The following EVC2 variants were observed in gnomAD, a reference collection of about 807,000 sequenced individuals.
EVC2 encodes the protein EvC ciliary complex subunit 2.
In EVC2, 148 loss-of-function variants were observed where a neutral mutation model predicts 149.3. That is an observed-to-expected ratio of 0.99 (90% CI 0.87 to 1.14). The LOEUF is 1.14. Ranked by LOEUF, EVC2 falls within the 50% of genes most tolerant of loss-of-function variation. The pLI, the probability that EVC2 is intolerant of heterozygous loss-of-function variation, is 0.00. For synonymous variants in EVC2, 776 were observed against 649.9 expected, an observed-to-expected ratio of 1.19 and a Z score of -2.95; for missense variants, 1,854 against 1,627.3, an observed-to-expected ratio of 1.14 and a Z score of -2.40.
the EVC2 span, among the ~76,000 whole-genome samples, chr4:5,532,270 T>G: frequency 6.6e-6 from 1 of 151,962 alleles, no homozygotes; most frequent in Admixed American, 6.6e-5. Context: ...GGGAGGTCAG[T>G]TTTTTCTGCT....
In EVC2 at chr4:5,614,962, G is replaced by C. The variant is rs927257287; in HGVS notation, c.2829+460C>G. On this transcript the variant is annotated intron_variant, in intron 16 of 21. Coordinates refer to ENST00000344408, the MANE Select transcript of EVC2 (RefSeq NM_147127.5). This position sits in a 1 kb window ranked among gnomAD's most constrained non-coding sequence, Gnocchi z 4.7. ...ACTGCACTCCAGCCTGGGTGACAGA[G>C]TAAGACTCCATTTCAAAAAAACCAA... Among the ~76,000 whole-genome samples the C allele has an allele frequency of 6.6e-6, 1 of 152,138 alleles. No individual in the cohort carries two copies. The highest frequency in any genetic ancestry group is 2.4e-5 in the African/African-American group (1 of 41,408).
the EVC2 span, among the ~76,000 whole-genome samples, chr4:5,531,425 C>G: frequency 6.6e-6 from 1 of 152,190 alleles, no homozygotes; most frequent in African/African-American, 2.4e-5. Context: ...ACAAACCCAT[C>G]CGGCCTATGG....
At chr4:5,590,453 C>T (rs770544148) in intron 16 of EVC2, among the ~76,000 whole-genome samples, 5 of 151,650 alleles carry the variant, frequency 3.3e-5, no homozygotes, top group Admixed American at 6.6e-5. Context: ...CACCTTGCTA[C>T]ACTCCCTCCC....
intron 7 of EVC2, among the ~76,000 whole-genome samples, chr4:5,672,293 G>GC (rs1299838243): frequency 1.3e-5 from 2 of 152,246 alleles, no homozygotes; most frequent in African/African-American, 2.4e-5. Context: ...AAGAGAAGCA[G>GC]CCCCAGCCTG....
chr4:5,628,437 T>C, intron 12 of EVC2, 122 bp downstream of exon 12: 1 of 1,304,466 alleles, frequency 7.7e-7, no homozygotes, highest in Non-Finnish European at 1.1e-6. Context: ...CTTCCCAGCC[T>C]CTAGAACTAT....
rs1324438472 is a variant in EVC2, at chr4:5,670,896, C to A, written c.871-5247G>T. ...ACATCATCAATATCCCCATCACCAT[C>A]ATCTTCACCATGACCATCACAATCA... On this transcript the variant is annotated intron_variant, in intron 7 of 21. Transcript: ENST00000344408. This position sits in a 1 kb window ranked among gnomAD's most constrained non-coding sequence, Gnocchi z 5.2. Among the ~76,000 whole-genome samples, 2 of 152,100 alleles carry A rather than the reference C, an allele frequency of 1.3e-5. No individual in the cohort carries two copies. The highest frequency in any genetic ancestry group is 4.8e-5 in the African/African-American group (2 of 41,416).
chr4:5,584,416 G>C (rs186768596), intron 17 of EVC2, among the ~76,000 whole-genome samples: 1 of 152,252 alleles, frequency 6.6e-6, no homozygotes, highest in East Asian at 1.9e-4. Context: ...AATCCAAAAG[G>C]GTTGCTTCTC....
At chr4:5,671,410 A>T (rs1719641137) in intron 7 of EVC2, among the ~76,000 whole-genome samples, 1 of 152,032 alleles carries the variant, frequency 6.6e-6, no homozygotes, top group South Asian at 2.1e-4. Context: ...GGATTTTGGA[A>T]CTCCTGAGTC....
In EVC2 at chr4:5,657,135, G is replaced by GC. The variant is rs1476288163; in HGVS notation, c.1145+5971dup. Among the ~76,000 whole-genome samples the GC allele has an allele frequency of 6.6e-6, 1 of 152,062 alleles. No homozygotes were observed. The highest frequency in any genetic ancestry group is 1.5e-5 in the Non-Finnish European group (1 of 68,018). ...GAAGGCACCTCGTCCAGGCAGGGAG[G>GC]CCCACCAGCCTCACACGGGCACTCC... On this transcript the variant is annotated intron_variant, in intron 9 of 21. Transcript: ENST00000344408. The surrounding 1 kb of genome is among the most constrained non-coding windows in gnomAD (Gnocchi z 4.7).
chr4:5,566,652 C>T (rs1341553965), intron 20 of EVC2, among the ~76,000 whole-genome samples: 1 of 152,306 alleles, frequency 6.6e-6, no homozygotes, highest in Non-Finnish European at 1.5e-5. Context: ...CCAGAGTCAT[C>T]CAGGCTGCCT....
At chr4:5,667,451 C>A (rs1218706211) in intron 7 of EVC2, among the ~76,000 whole-genome samples, 2 of 152,074 alleles carry the variant, frequency 1.3e-5, no homozygotes, top group Admixed American at 6.6e-5. Flanking sequence ...GGTTTGTCAA[C>A]CCAAATCACA....
At chr4:5,554,906 T>A (rs1721806180) in intron 21 of EVC2, among the ~76,000 whole-genome samples, 1 of 152,222 alleles carries the variant, frequency 6.6e-6, no homozygotes, top group Non-Finnish European at 1.5e-5. Flanking sequence ...TTAATTCAAA[T>A]GCACTATATG....
the EVC2 span, among the ~76,000 whole-genome samples, chr4:5,534,416 A>T: frequency 6.6e-6 from 1 of 152,196 alleles, no homozygotes; most frequent in Non-Finnish European, 1.5e-5. Flanking sequence ...CAGAGGCATC[A>T]TATAAAGGTG....
At chr4:5,688,306 C>T (rs945633151) in intron 5 of EVC2, among the ~76,000 whole-genome samples, 4 of 152,170 alleles carry the variant, frequency 2.6e-5, no homozygotes, top group East Asian at 1.9e-4. Flanking sequence ...GGCATGGAGT[C>T]GGTAAGAGTT....
intron 9 of EVC2, among the ~76,000 whole-genome samples, chr4:5,649,753 T>A (rs6845850): frequency 0.69 from 104,280 of 152,060 alleles, 36,352 homozygotes; most frequent in African/African-American, 0.82. Context: ...CCCCAAAACC[T>A]ATTCAATACG....
rs1031229340 is a variant in EVC2, at chr4:5,686,307, C to T, written c.707-828G>A. ...TCCCAGGCTCCAGTGATCCTCCTGC[C>T]TCAGCCTCCTGAGTAGCTGGGACTT... On this transcript the variant is annotated intron_variant, in intron 5 of 21. Transcript: ENST00000344408. This position sits in a 1 kb window ranked among gnomAD's most constrained non-coding sequence, Gnocchi z 5.4. 8.5e-5 allele frequency among the ~76,000 whole-genome samples: 13 copies of T among 152,180 alleles called. No individual in the cohort carries two copies. Among genetic ancestry groups the T allele is most frequent in the African/African-American group, 3.1e-4 (13 of 41,436 alleles).
intron 3 of EVC2, among the ~76,000 whole-genome samples, chr4:5,692,735 C>T (rs1033583668): frequency 6.0e-5 from 9 of 150,932 alleles, no homozygotes; most frequent in East Asian, 1.9e-4. Context: ...GGCGCGGTGG[C>T]GGGCGCCTGT....
chr4:5,692,994 A>G (rs1200126148), intron 3 of EVC2, among the ~76,000 whole-genome samples: 1 of 152,136 alleles, frequency 6.6e-6, no homozygotes, highest in African/African-American at 2.4e-5. Flanking sequence ...GCTTCCATCC[A>G]CTACACCCCC....
chr4:5,545,218 A>G (rs916826740), intron 21 of EVC2, among the ~76,000 whole-genome samples: 1 of 152,158 alleles, frequency 6.6e-6, no homozygotes, highest in East Asian at 1.9e-4. Context: ...CATTGAACAA[A>G]CATTTACTGA....
Sources: allele counts gnomAD v4.1 joint callset (sites outside exome capture counted in the v4.1 genomes callset), GRCh38; gene constraint gnomAD v4.1.1; non-coding constraint Gnocchi (gnomAD v3.1); transcripts MANE v1.5; gene names NCBI Gene and HGNC (gene_info 2026-07-23, HGNC 2026-07-21).